CADPS2: variants seen among roughly 807,000 people sequenced by gnomAD.
The protein encoded by CADPS2 is calcium-dependent secretion activator 2.
In CADPS2, 93 loss-of-function variants were observed where a neutral mutation model predicts 172.5. The observed-to-expected ratio is 0.54, with a 90% CI of 0.46 to 0.64. The LOEUF is 0.64. Among genes scored for constraint, CADPS2 ranks in the 30% least tolerant of loss-of-function variants. CADPS2 has a pLI of 0.00. For missense variants in CADPS2, 1,420 were observed against 1,565.9 expected (o/e 0.91, Z 1.57); for synonymous variants, 546 against 555.2 (o/e 0.98, Z 0.23).
chr7:122,700,179 C>T (rs1006548076), intron 2 of CADPS2, among the ~76,000 whole-genome samples: 7 of 152,096 alleles, frequency 4.6e-5, no homozygotes, highest in African/African-American at 1.2e-4. Flanking sequence ...GCTAGGAAAC[C>T]GAGGCCAAAG....
At chr7:122,339,951 C>G (rs144857492) in intron 28 of CADPS2, among the ~76,000 whole-genome samples, 1 of 152,278 alleles carries the variant, frequency 6.6e-6, no homozygotes, top group African/African-American at 2.4e-5. Context: ...CAAACAAGAG[C>G]ATGTAAGTGC....
At chr7:122,466,202 C>G (rs563180111) in intron 14 of CADPS2, among the ~76,000 whole-genome samples, 3 of 152,182 alleles carry the variant, frequency 2.0e-5, no homozygotes, top group Non-Finnish European at 4.4e-5. Flanking sequence ...TGCCTTGTCT[C>G]TTCCTCAGAC....
At chr7:122,699,071 T>C (rs2085620690) in intron 2 of CADPS2, 1 of 606,098 alleles carries the variant, frequency 1.6e-6, no homozygotes, top group East Asian at 2.9e-5. Context: ...AAAGATGGCT[T>C]ATGAGTTTCA....
chr7:122,526,895 C>T (rs953890286), intron 8 of CADPS2, among the ~76,000 whole-genome samples: 2 of 152,174 alleles, frequency 1.3e-5, no homozygotes, highest in African/African-American at 4.8e-5. Context: ...TGACTCACCA[C>T]TCTATCCTCA....
At chr7:122,358,945 T>A (rs188090895) in intron 27 of CADPS2, among the ~76,000 whole-genome samples, 1 of 152,278 alleles carries the variant, frequency 6.6e-6, no homozygotes, top group African/African-American at 2.4e-5. Flanking sequence ...AGAGTCTGGA[T>A]ATGATTGCCA....
intron 4 of CADPS2, among the ~76,000 whole-genome samples, chr7:122,627,777 C>T (rs919983738): frequency 1.1e-4 from 16 of 152,206 alleles, no homozygotes; most frequent in Middle Eastern, 3.2e-3. Context: ...CTGTCAGGCA[C>T]ATCTCTCCAG....
At chr7:122,525,149 A>C (rs2131137266) in intron 8 of CADPS2, among the ~76,000 whole-genome samples, 1 of 152,304 alleles carries the variant, frequency 6.6e-6, no homozygotes, top group Non-Finnish European at 1.5e-5. Flanking sequence ...CAAAAAAAAA[A>C]AAATTCTTTA....
At chr7:122,883,651 G>A (rs1395385055) in intron 1 of CADPS2, among the ~76,000 whole-genome samples, 3 of 152,152 alleles carry the variant, frequency 2.0e-5, no homozygotes, top group African/African-American at 7.2e-5. Context: ...AAACCAGACT[G>A]CCAAAAGTTG....
intron 1 of CADPS2, among the ~76,000 whole-genome samples, chr7:122,761,721 A>T (rs142948275): frequency 0.015 from 2,231 of 151,892 alleles, 53 homozygotes; most frequent in African/African-American, 0.051. Flanking sequence ...TAGGCCAGGC[A>T]TGGTGGCTCA....
intron 3 of CADPS2, among the ~76,000 whole-genome samples, chr7:122,648,243 T>A (rs1410092622): frequency 6.6e-6 from 1 of 152,144 alleles, no homozygotes; most frequent in African/African-American, 2.4e-5. Flanking sequence ...CACAGAACTC[T>A]GTCCTGGGCT....
chr7:122,637,171 CTTTTTTT>C (rs71161313), intron 3 of CADPS2, among the ~76,000 whole-genome samples: 70 of 53,822 alleles, frequency 1.3e-3, no homozygotes, highest in Non-Finnish European at 1.6e-3. Context: ...TGAAATTTTG[CTTTTTTT>C]TTTTTTTTTT....
chr7:122,755,389 C>G (rs1029038914), intron 1 of CADPS2, among the ~76,000 whole-genome samples: 6 of 152,072 alleles, frequency 3.9e-5, no homozygotes, highest in African/African-American at 1.2e-4. Context: ...GTAGCTAAAA[C>G]CAAAATGCCT....
chr7:122,808,537 C>T (rs1306403911), intron 1 of CADPS2, among the ~76,000 whole-genome samples: 1 of 152,182 alleles, frequency 6.6e-6, no homozygotes, highest in Non-Finnish European at 1.5e-5. Context: ...ACAGCCCACA[C>T]AGACACTTAA....
intron 5 of CADPS2, 59 bp from the exon 6 acceptor site, chr7:122,615,358 T>G: frequency 3.5e-6 from 4 of 1,144,798 alleles, no homozygotes; most frequent in Non-Finnish European, 5.0e-6. Context: ...GCAATATACA[T>G]AAACAGCAGC....
intron 17 of CADPS2, among the ~76,000 whole-genome samples, chr7:122,428,328 T>C (rs1280015980): frequency 1.3e-5 from 2 of 152,172 alleles, no homozygotes; most frequent in Admixed American, 6.5e-5. Context: ...TTTAACACCA[T>C]GCACTCAAGT....
At position 122,338,380 on chromosome 7, in the gene CADPS2, T is replaced by C. The variant is rs776331615; in HGVS notation, c.3612+7194A>G. Reference sequence around the variant, plus strand: ...CTGCACTCTAGCTTGGGCTACAGAGTGAGACTCTGTCTCAGAAAAAAACAA... The same window carrying C: ...CTGCACTCTAGCTTGGGCTACAGAGCGAGACTCTGTCTCAGAAAAAAACAA... On this transcript the variant is annotated intron_variant, in intron 28 of 29. Coordinates refer to ENST00000449022, the MANE Select transcript of CADPS2 (RefSeq NM_017954.11). 2.8e-4 allele frequency among the ~76,000 whole-genome samples: 42 copies of C among 152,056 alleles called. 1 individual carries two copies. The highest frequency in any genetic ancestry group is 2.7e-3 in the Admixed American group (41 of 15,254).
chr7:122,835,385 C>G (rs1808053207), intron 1 of CADPS2, among the ~76,000 whole-genome samples: 1 of 152,212 alleles, frequency 6.6e-6, no homozygotes, highest in African/African-American at 2.4e-5. Flanking sequence ...ACCTCTCCCC[C>G]TCCAAAGGAA....
At chr7:122,549,657 A>G (rs1234178175) in intron 8 of CADPS2, among the ~76,000 whole-genome samples, 1 of 151,688 alleles carries the variant, frequency 6.6e-6, no homozygotes, top group African/African-American at 2.4e-5. Flanking sequence ...TATTATTATT[A>G]TTATTATAGT....
At chr7:122,561,385 A>C (rs954176329) in intron 7 of CADPS2, among the ~76,000 whole-genome samples, 1 of 152,148 alleles carries the variant, frequency 6.6e-6, no homozygotes, top group African/African-American at 2.4e-5. Context: ...ATGGGGTAGA[A>C]GAAAAACAAA....
Sources: gnomAD v4.1 joint callset for allele counts (sites outside exome capture counted in the v4.1 genomes callset) on GRCh38, gnomAD v4.1.1 for gene constraint, MANE v1.5 for transcripts, NCBI Gene and HGNC (gene_info 2026-07-23, HGNC 2026-07-21) for gene names.